The following WDPCP variants were observed in gnomAD, a reference collection of about 807,000 sequenced individuals.
WDPCP encodes WD repeat containing planar cell polarity effector, also known as WD repeat-containing and planar cell polarity effector protein fritz homolog.
Under a neutral mutation model 93.1 loss-of-function variants are expected in WDPCP, and 71 were observed. The observed-to-expected ratio is 0.76, with a 90% CI of 0.63 to 0.93. The LOEUF (loss-of-function observed/expected upper bound fraction) is 0.93. Ranked by LOEUF, WDPCP falls within the 40% of genes least tolerant of loss-of-function variation. WDPCP has a pLI of 0.00. For missense variants in WDPCP, 844 were observed against 887.4 expected (o/e 0.95, Z 0.62); for synonymous variants, 315 against 315.0 (o/e 1.00, Z 0.00).
At chr2:63,159,190 A>G (rs1445289621) in intron 15 of WDPCP, among the ~76,000 whole-genome samples, 2 of 143,414 alleles carry the variant, frequency 1.4e-5, no homozygotes, top group African/African-American at 5.2e-5. Flanking sequence ...TGGTTAATTT[A>G]CTTTTGAATT....
intron 15 of WDPCP, among the ~76,000 whole-genome samples, chr2:63,160,232 G>A (rs919356862): frequency 1.9e-4 from 29 of 152,086 alleles, no homozygotes; most frequent in African/African-American, 6.3e-4. Flanking sequence ...CCTGATAATC[G>A]TGATTTTTAA....
intron 12 of WDPCP, among the ~76,000 whole-genome samples, chr2:63,314,146 C>T (rs80081318): frequency 2.0e-5 from 3 of 148,278 alleles, no homozygotes; most frequent in African/African-American, 5.0e-5. Context: ...CAAAGTGCTG[C>T]GATTACAGGC....
chr2:63,139,147 A>G (rs1445850116), intron 17 of WDPCP, among the ~76,000 whole-genome samples: 2 of 141,128 alleles, frequency 1.4e-5, no homozygotes, highest in Admixed American at 7.6e-5. Context: ...ATGTGTGTGT[A>G]TATGTGTATG....
rs1706067900 is a variant in WDPCP, at chr2:63,555,777, A to G, written c.75+32420T>C. ...ACAGAAGAGGGGTCTGACTGTTAAA[A>G]GAAAAACAAACAGAAAGGAACAACA... On this transcript the variant is annotated intron_variant, in intron 1 of 17. Coordinates refer to ENST00000272321, the MANE Select transcript of WDPCP (RefSeq NM_015910.7). 3.9e-5 allele frequency among the ~76,000 whole-genome samples: 6 copies of G among 152,302 alleles called. No individual in the cohort carries two copies. In the South Asian group the frequency reaches 1.2e-3, roughly 32 times the overall value.
rs571280678 is a variant in WDPCP at position 63,506,744 on chromosome 2, C to G, written c.76-13804G>C. Among the ~76,000 whole-genome samples the G allele has an allele frequency of 1.3e-3, 196 of 152,208 alleles. 1 individual carries two copies. The highest frequency in any genetic ancestry group is 1.6e-3 in the Non-Finnish European group (107 of 67,980). ...AATTCTAGGTGCTCTTCCCTGCCAACACAGTTGGCCAATGATCTCTCCCTA... is the reference window on the plus strand; with the variant it reads ...AATTCTAGGTGCTCTTCCCTGCCAAGACAGTTGGCCAATGATCTCTCCCTA... On this transcript the variant is annotated intron_variant, in intron 1 of 17. Coordinates refer to ENST00000272321, the MANE Select transcript of WDPCP (RefSeq NM_015910.7).
chr2:63,206,721 T>A (rs138144068), intron 14 of WDPCP, among the ~76,000 whole-genome samples: 2 of 152,240 alleles, frequency 1.3e-5, no homozygotes, highest in African/African-American at 4.8e-5. Context: ...TTTATTCTAC[T>A]CTTCTTATTC....
chr2:63,510,552 A>G (rs918101574), intron 1 of WDPCP, among the ~76,000 whole-genome samples: 2 of 152,226 alleles, frequency 1.3e-5, no homozygotes, highest in Non-Finnish European at 2.9e-5. Context: ...CACCACTCCT[A>G]TTCAACACAG....
intron 17 of WDPCP, among the ~76,000 whole-genome samples, chr2:63,152,033 T>G (rs970367504): frequency 6.6e-6 from 1 of 152,174 alleles, no homozygotes; most frequent in Non-Finnish European, 1.5e-5. Flanking sequence ...AGATGCGATG[T>G]CAGAGACAGA....
In WDPCP at chr2:63,495,678, AT is replaced by A. The variant is rs142368717; in HGVS notation, c.76-2739del. Among the ~76,000 whole-genome samples the A allele has an allele frequency of 3.1e-3, 472 of 152,334 alleles. 4 individuals carry two copies. The highest frequency in any genetic ancestry group is 0.011 in the African/African-American group (438 of 41,578). On this transcript the variant is annotated intron_variant, in intron 1 of 17. Transcript: ENST00000272321. ...AAGAGTCCCCAGCTATAAAATGGGTATAATAAAGTACCTACATCAGGACTGC... is the reference window on the plus strand; with the variant it reads ...AAGAGTCCCCAGCTATAAAATGGGTAAATAAAGTACCTACATCAGGACTGC...
chr2:63,586,602 A>G (rs1006782997), intron 1 of WDPCP, among the ~76,000 whole-genome samples: 2 of 152,222 alleles, frequency 1.3e-5, no homozygotes, highest in African/African-American at 2.4e-5. Flanking sequence ...GCAGTGTATT[A>G]TATTACCTGA....
intron 2 of WDPCP, among the ~76,000 whole-genome samples, chr2:63,754,140 A>T (rs1346493884): frequency 6.6e-6 from 1 of 152,246 alleles, no homozygotes; most frequent in Non-Finnish European, 1.5e-5. Context: ...CTTTTATGCC[A>T]TCATGTCAGT....
intron 2 of WDPCP, among the ~76,000 whole-genome samples, chr2:63,706,600 CTTTTTTTTTTTTTT>C (rs896018299): frequency 4.9e-5 from 3 of 61,700 alleles, no homozygotes; most frequent in Non-Finnish European, 1.0e-4. Flanking sequence ...AAATTCTTTT[CTTTTTTTTTTTTTT>C]TTTTTTTTTT....
chr2:63,659,778 T>G (rs1388571374), intron 2 of WDPCP, among the ~76,000 whole-genome samples: 5 of 152,324 alleles, frequency 3.3e-5, no homozygotes, highest in Non-Finnish European at 7.3e-5. Flanking sequence ...GCCCGTGAGC[T>G]TCCACAGAGT....
At chr2:63,397,670 CA>C (rs1693839147) in intron 10 of WDPCP, among the ~76,000 whole-genome samples, 1 of 152,078 alleles carries the variant, frequency 6.6e-6, no homozygotes, top group South Asian at 2.1e-4. Flanking sequence ...GAGTGGTCAG[CA>C]ACCATCAAAT....
At chr2:63,459,469 CA>C (rs999388666) in intron 6 of WDPCP, among the ~76,000 whole-genome samples, 1 of 152,026 alleles carries the variant, frequency 6.6e-6, no homozygotes, top group Non-Finnish European at 1.5e-5. Flanking sequence ...ACTAACACCA[CA>C]ATGTGATTTC....
chr2:63,733,572 C>T (rs1669595570), intron 2 of WDPCP, among the ~76,000 whole-genome samples: 1 of 152,156 alleles, frequency 6.6e-6, no homozygotes, highest in Admixed American at 6.5e-5. Context: ...GCAAAGAGGG[C>T]AGAAGCATTT....
chr2:63,200,667 G>C (rs1331448103), intron 14 of WDPCP, among the ~76,000 whole-genome samples: 2 of 151,846 alleles, frequency 1.3e-5, no homozygotes, highest in African/African-American at 4.8e-5. Context: ...GGAACCCAGA[G>C]GCTGGAAAGG....
chr2:63,132,498 C>T (rs1415960329), intron 17 of WDPCP, among the ~76,000 whole-genome samples: 1 of 149,900 alleles, frequency 6.7e-6, no homozygotes, highest in African/African-American at 2.5e-5. Context: ...TTGATAGTGT[C>T]TCTTAAGCTC....
intron 1 of WDPCP, among the ~76,000 whole-genome samples, chr2:63,819,247 C>G (rs567417857): frequency 6.6e-6 from 1 of 152,254 alleles, no homozygotes; most frequent in South Asian, 2.1e-4. Context: ...ATCAGGGGAA[C>G]TAACAGGGCT....
Sources: allele counts gnomAD v4.1 joint callset (sites outside exome capture counted in the v4.1 genomes callset), GRCh38; gene constraint gnomAD v4.1.1; transcripts MANE v1.5; gene names NCBI Gene and HGNC (gene_info 2026-07-23, HGNC 2026-07-21).